Variants in LHCGR observed in about 807,000 individuals in gnomAD.
The protein encoded by LHCGR is lutropin-choriogonadotropic hormone receptor.
In LHCGR, 55 loss-of-function variants were observed where a neutral mutation model predicts 60.7. The observed-to-expected ratio is 0.91, with a 90% confidence interval of 0.73 to 1.13. The LOEUF is 1.13. LHCGR is among the 50% of genes most tolerant of loss of function. LHCGR has a pLI of 0.00. For missense variants in LHCGR, 862 were observed against 836.0 expected (o/e 1.03, Z -0.38); for synonymous variants, 337 against 316.5 (o/e 1.06, Z -0.69).
intron 8 of LHCGR, among the ~76,000 whole-genome samples, chr2:48,706,024 G>A (rs1035135842): frequency 5.9e-5 from 9 of 152,176 alleles, no homozygotes; most frequent in African/African-American, 2.2e-4. Flanking sequence ...TTTTGCAGTG[G>A]CTGGCACTGG....
chr2:48,722,594 C>G (rs1401296650), intron 6 of LHCGR, among the ~76,000 whole-genome samples: 1 of 152,142 alleles, frequency 6.6e-6, no homozygotes, highest in African/African-American at 2.4e-5. Context: ...TCTCCCTGCT[C>G]TCTCTCTTCC....
intron 8 of LHCGR, among the ~76,000 whole-genome samples, chr2:48,705,506 T>G (rs532743279): frequency 2.0e-5 from 3 of 152,300 alleles, no homozygotes; most frequent in African/African-American, 7.2e-5. Flanking sequence ...AGTCTCCCAT[T>G]ATTATTGTGT....
Position 48,755,620 on chromosome 2 carries a change from G to GCAGCAGCAGCAGCAGCTT in LHCGR, c.34_51dup (p.Lys12_Leu17dup), listed in dbSNP as rs1259843020. On this transcript the variant is annotated inframe_insertion, in exon 1 of 11. Transcript: ENST00000294954. Reference sequence around the variant, plus strand: ...CGCAGCGCTCGTGGCAGCGGCGGCTGCAGCAGCAGCAGCAGCTTCAGCAGC... The same window carrying GCAGCAGCAGCAGCAGCTT: ...CGCAGCGCTCGTGGCAGCGGCGGCTGCAGCAGCAGCAGCAGCTTCAGCAGCAGCAGCAGCTTCAGCAGC... 3 of 1,523,398 alleles carry GCAGCAGCAGCAGCAGCTT rather than the reference G, an allele frequency of 2.0e-6. No homozygotes were observed. Among genetic ancestry groups the GCAGCAGCAGCAGCAGCTT allele is most frequent in the East Asian group, 4.9e-5 (2 of 40,532 alleles). 94.4% of individuals were successfully genotyped at this position (1,523,398 alleles called of 1,614,324 possible). A position where few individuals can be genotyped will look rare whatever the true frequency, so the allele number is the denominator to read the frequency against.
At chr2:48,708,697 C>A (rs1032539156) in intron 8 of LHCGR, 18 of 582,874 alleles carry the variant, frequency 3.1e-5, no homozygotes, top group South Asian at 1.0e-4. Context: ...AGGGAGCCAA[C>A]CCCTGCTGAC....
At chr2:48,694,778 A>T (rs1667036489) in intron 9 of LHCGR, among the ~76,000 whole-genome samples, 3 of 152,078 alleles carry the variant, frequency 2.0e-5, no homozygotes, top group Admixed American at 2.0e-4. Context: ...ATTTTTTCTT[A>T]TGTGCAGAAA....
At chr2:48,709,158 A>G in intron 7 of LHCGR, 136 bp from the exon 8 acceptor site, 1 of 723,290 alleles carries the variant, frequency 1.4e-6, no homozygotes, top group Non-Finnish European at 2.5e-6. Context: ...AAGTGGAGGG[A>G]AAGTGGGAAA....
At chr2:48,719,115 G>C (rs1668387984) in intron 6 of LHCGR, among the ~76,000 whole-genome samples, 1 of 151,656 alleles carries the variant, frequency 6.6e-6, no homozygotes, top group East Asian at 1.9e-4. Context: ...GAGGTCAGGA[G>C]ATCAAGACCA....
At chr2:48,690,578 C>T (rs572374961) in intron 10 of LHCGR, among the ~76,000 whole-genome samples, 12 of 152,144 alleles carry the variant, frequency 7.9e-5, no homozygotes, top group Non-Finnish European at 1.8e-4. Context: ...TAAAATGACT[C>T]GTAGTTCTCT....
At chr2:48,700,966 AGAGT>A (rs1206007908) in intron 8 of LHCGR, among the ~76,000 whole-genome samples, 1 of 152,204 alleles carries the variant, frequency 6.6e-6, no homozygotes, top group African/African-American at 2.4e-5. Flanking sequence ...CGAAGTAGAC[AGAGT>A]GAGAACTGGA....
chr2:48,743,046 C>G (rs1004471040), intron 1 of LHCGR, among the ~76,000 whole-genome samples: 8 of 152,098 alleles, frequency 5.3e-5, no homozygotes, highest in African/African-American at 1.7e-4. Context: ...AAACTACCAT[C>G]AGAGAATACT....
intron 8 of LHCGR, among the ~76,000 whole-genome samples, chr2:48,703,046 G>T (rs1051218687): frequency 4.6e-5 from 7 of 152,176 alleles, no homozygotes; most frequent in Non-Finnish European, 7.4e-5. Context: ...TTTTTCACAG[G>T]TCTGTTGGCT....
rs2104349101 is a variant in LHCGR at position 48,687,134 on chromosome 2, C to G, written c.*563G>C. 6.5e-6 allele frequency: 1 copy of G among 153,344 alleles called. No individual in the cohort carries two copies. The highest frequency in any genetic ancestry group is 6.5e-5 in the Admixed American group (1 of 15,470). The allele number at this position is 153,344 out of a possible 1,614,324, so 9.5% of individuals were successfully genotyped here. ...GTGATGAAAATATTCTGTGTCTGTG[C>G]TGTCCAGTATGGTAAGCACTAGTCA... On this transcript the variant is annotated 3_prime_UTR_variant, in exon 11 of 11. Transcript: ENST00000294954.
rs567241438 is a variant in LHCGR, at chr2:48,731,044, A to G, written c.233+183T>C. ...AATTATCTGTATTTTAATGACTCTT[A>G]AAAATCATACCTTTTCTTCAAAGGT... is the stretch of plus-strand genomic sequence containing the variant. On this transcript the variant is annotated intron_variant, in intron 2 of 10. Coordinates refer to ENST00000294954, the MANE Select transcript of LHCGR (RefSeq NM_000233.4). Among the ~76,000 whole-genome samples the G allele has an allele frequency of 3.3e-5, 5 of 152,286 alleles. No homozygotes were observed. In the East Asian group the frequency reaches 7.7e-4, roughly 24 times the overall value.
chr2:48,713,512 C>T (rs1668095465), intron 7 of LHCGR, among the ~76,000 whole-genome samples: 1 of 152,146 alleles, frequency 6.6e-6, no homozygotes, highest in Non-Finnish European at 1.5e-5. Context: ...AAACACAAAG[C>T]TCCCTACCTT....
chr2:48,698,349 T>C (rs1667227933), intron 9 of LHCGR, among the ~76,000 whole-genome samples: 1 of 152,228 alleles, frequency 6.6e-6, no homozygotes. Context: ...ATTCTGCAAA[T>C]GCTAAAATGG....
chr2:48,692,491 T>G (rs554217862), intron 10 of LHCGR, among the ~76,000 whole-genome samples: 2 of 152,256 alleles, frequency 1.3e-5, no homozygotes, highest in African/African-American at 4.8e-5. Flanking sequence ...TACTGGTATT[T>G]GTGTCCTGGG....
intron 3 of LHCGR, 117 bp from the exon 4 acceptor site, chr2:48,725,867 G>A (rs1474009235): frequency 1.3e-5 from 11 of 823,002 alleles, no homozygotes; most frequent in Non-Finnish European, 2.1e-5. Context: ...AAAAGCAGGC[G>A]ACCTTCATAT....
At position 48,687,578 on chromosome 2, in the gene LHCGR, A is replaced by T; in HGVS notation, c.*119T>A. On this transcript the variant is annotated 3_prime_UTR_variant, in exon 11 of 11. Coordinates refer to ENST00000294954, the MANE Select transcript of LHCGR (RefSeq NM_000233.4). ...TCTACTAGGTAGAGGTCTCTTGCCT[A>T]ATGTACCTAAAAATAAATAATTTCC... The T allele has an allele frequency of 2.5e-6, 2 of 805,252 alleles. No individual in the cohort carries two copies. The highest frequency in any genetic ancestry group is 2.1e-5 in the Admixed American group (1 of 47,398). 49.9% of individuals were successfully genotyped at this position (805,252 alleles called of 1,614,324 possible). A position where few individuals can be genotyped will look rare whatever the true frequency, so the allele number is the denominator to read the frequency against.
Position 48,698,648 on chromosome 2 carries a change from T to A in LHCGR, c.833A>T (p.His278Leu), listed in dbSNP as rs1446891723. ...LLEATLTYPS[H>L]CCAFRNLPTK... is the part of the protein sequence containing the mutation. ...TGGCAAGTTTCTAAAAGCACAGCAG[T>A]GGCTGGGGTAAGTCAACGTGGCCTC... The change falls in exon 9 of 11, where the codon CAC becomes CTC. Residue 278 changes from histidine (H) to leucine (L), a missense_variant. His to Leu is a moderately conservative substitution (Grantham distance 99). Coordinates refer to ENST00000294954, the MANE Select transcript of LHCGR (RefSeq NM_000233.4). The A allele has an allele frequency of 2.5e-6, 4 of 1,614,026 alleles. No individual in the cohort carries two copies. Among genetic ancestry groups the A allele is most frequent in the African/African-American group, 1.3e-5 (1 of 74,910 alleles).
Sources: gnomAD v4.1 joint callset for allele counts (sites outside exome capture counted in the v4.1 genomes callset) on GRCh38, gnomAD v4.1.1 for gene constraint, MANE v1.5 for transcripts, NCBI Gene and HGNC (gene_info 2026-07-23, HGNC 2026-07-21) for gene names.